The following SCARA5 variants were observed in gnomAD, a reference collection of about 807,000 sequenced individuals.
The protein encoded by SCARA5 is scavenger receptor class A, member 5 (putative).
Under a neutral mutation model 46.3 loss-of-function variants are expected in SCARA5, and 45 were observed. The ratio of observed to expected loss-of-function variants is 0.97; its 90% CI spans 0.76 to 1.24. The LOEUF (loss-of-function observed/expected upper bound fraction) is 1.24. Among genes scored for constraint, SCARA5 ranks in the 50% most tolerant of loss-of-function variants. The probability of loss-of-function intolerance (pLI) is 0.00; values close to 1 mark genes in which losing one functional copy is unlikely to be tolerated. For synonymous variants in SCARA5, 333 were observed against 306.5 expected (o/e 1.09, Z -0.90); for missense variants, 680 against 689.0 (o/e 0.99, Z 0.15).
chr8:27,957,123 A>G (rs1055334165), intron 3 of SCARA5, among the ~76,000 whole-genome samples: 1 of 152,154 alleles, frequency 6.6e-6, no homozygotes, highest in Non-Finnish European at 1.5e-5. Flanking sequence ...TGCAGAAGGA[A>G]GGGAGGGGTG....
At chr8:27,975,157 AT>A (rs1428071195) in intron 2 of SCARA5, among the ~76,000 whole-genome samples, 1 of 152,154 alleles carries the variant, frequency 6.6e-6, no homozygotes, top group African/African-American at 2.4e-5. Flanking sequence ...TTAATCAATC[AT>A]GCCTACATAA....
intron 3 of SCARA5, among the ~76,000 whole-genome samples, chr8:27,951,605 T>C (rs979176738): frequency 2.0e-5 from 3 of 152,134 alleles, no homozygotes; most frequent in African/African-American, 7.2e-5. Context: ...GCCCGTCCCG[T>C]CCTGCACGGT....
At chr8:27,905,705 C>CTTTTT (rs869032548) in intron 6 of SCARA5, among the ~76,000 whole-genome samples, 1 of 8,064 alleles carries the variant, frequency 1.2e-4, no homozygotes, top group African/African-American at 2.2e-4. Context: ...CTTTTCTTTT[C>CTTTTT]TTTTTTTTTT....
chr8:27,953,061 C>T (rs1440524001), intron 3 of SCARA5, among the ~76,000 whole-genome samples: 1 of 152,222 alleles, frequency 6.6e-6, no homozygotes, highest in East Asian at 1.9e-4. Context: ...TGCATCCTTT[C>T]TCTCTTCCTA....
chr8:27,924,126 T>C (rs549458047), intron 3 of SCARA5, among the ~76,000 whole-genome samples: 2 of 152,292 alleles, frequency 1.3e-5, no homozygotes, highest in East Asian at 3.9e-4. Context: ...GTCTGTTAGT[T>C]GTGTCCTGTC....
chr8:27,922,742 G>GT (rs1410043666), intron 3 of SCARA5, among the ~76,000 whole-genome samples: 5 of 152,236 alleles, frequency 3.3e-5, no homozygotes, highest in Admixed American at 3.3e-4. Flanking sequence ...ATCTGAATAA[G>GT]CCCCCCAAAA....
At chr8:27,916,853 G>A (rs538591599) in intron 4 of SCARA5, among the ~76,000 whole-genome samples, 165 of 152,238 alleles carry the variant, frequency 1.1e-3, no homozygotes, top group Middle Eastern at 3.4e-3. Context: ...CATCCCCCCC[G>A]ATTTCATATG....
chr8:27,921,878 C>A lies in SCARA5; in HGVS notation c.609G>T (p.Ala203=), dbSNP rs747177853. 18 of 1,496,358 alleles carry A rather than the reference C, an allele frequency of 1.2e-5. No individual in the cohort carries two copies. The allele number at this position is 1,496,358 out of a possible 1,614,324, so 92.7% of individuals were successfully genotyped here. A position where few individuals can be genotyped will look rare whatever the true frequency, so the allele number is the denominator to read the frequency against. The change falls in exon 4 of 9, where the codon GCG becomes GCT. Residue 203 remains alanine, a synonymous_variant. Coordinates refer to ENST00000354914, the MANE Select transcript of SCARA5 (RefSeq NM_173833.6). ...NSSQLLLRRH[A]GLLDGLARRV... ...TGCGCGCCAGCCCGTCCAGCAGGCC[C>A]GCGTGGCGCCTCAGCAGCAGCTGGC...
chr8:27,931,811 C>T (rs1025018011), intron 3 of SCARA5, among the ~76,000 whole-genome samples: 2 of 152,062 alleles, frequency 1.3e-5, no homozygotes, highest in Middle Eastern at 3.4e-3. Context: ...CACGCCACCA[C>T]GCCTGGCTAA....
chr8:27,881,003 T>C (rs930841951), intron 7 of SCARA5, among the ~76,000 whole-genome samples: 12 of 152,106 alleles, frequency 7.9e-5, no homozygotes, highest in South Asian at 4.2e-4. Flanking sequence ...AGATACTATC[T>C]CACGCCAGTC....
At chr8:27,878,153 T>A in intron 8 of SCARA5, among the ~76,000 whole-genome samples, 1 of 152,158 alleles carries the variant, frequency 6.6e-6, no homozygotes, top group East Asian at 1.9e-4. Context: ...GGGGGCCTGG[T>A]AACTGGGTGT....
chr8:27,949,128 A>C (rs889878675), intron 3 of SCARA5, among the ~76,000 whole-genome samples: 3 of 152,216 alleles, frequency 2.0e-5, no homozygotes, highest in Non-Finnish European at 2.9e-5. Flanking sequence ...AGTGAGCTTC[A>C]GGGGACCTGA....
rs146767285 is a variant in SCARA5, at chr8:27,965,251, C to T, written c.241+1163G>A. Among the ~76,000 whole-genome samples, 425 of 152,294 alleles carry T rather than the reference C, an allele frequency of 2.8e-3. 2 individuals are homozygous for T. Among genetic ancestry groups the T allele is most frequent in the African/African-American group, 9.6e-3 (398 of 41,552 alleles). On this transcript the variant is annotated intron_variant, in intron 3 of 8. Coordinates refer to ENST00000354914, the MANE Select transcript of SCARA5 (RefSeq NM_173833.6). ...CGCTTGACGGAAAGTGAATCAAGAC[C>T]GGGGAGGTCCTGGCCATTTGCCTCA...
At chr8:27,932,338 T>TA (rs1807788087) in intron 3 of SCARA5, among the ~76,000 whole-genome samples, 1 of 152,184 alleles carries the variant, frequency 6.6e-6, no homozygotes, top group Admixed American at 6.5e-5. Context: ...CTGGTCCTGA[T>TA]AAAAAACTAA....
intron 8 of SCARA5, among the ~76,000 whole-genome samples, chr8:27,873,506 C>T (rs1441010144): frequency 1.3e-5 from 2 of 152,082 alleles, no homozygotes; most frequent in African/African-American, 2.4e-5. Flanking sequence ...GAAATTCCTT[C>T]TCCTGGCTCA....
intron 7 of SCARA5, among the ~76,000 whole-genome samples, chr8:27,893,217 C>T (rs565438216): frequency 2.5e-4 from 38 of 152,310 alleles, no homozygotes; most frequent in African/African-American, 9.1e-4. Context: ...GTTCCTGGCT[C>T]CTTAGCATAT....
intron 8 of SCARA5, among the ~76,000 whole-genome samples, chr8:27,878,969 A>G (rs1205092175): frequency 6.6e-6 from 1 of 152,180 alleles, no homozygotes; most frequent in African/African-American, 2.4e-5. Flanking sequence ...TAGTAGGCCC[A>G]GCTAGTCAGG....
chr8:27,891,921 TTGTC>T (rs1360375003), intron 7 of SCARA5, among the ~76,000 whole-genome samples: 1 of 152,250 alleles, frequency 6.6e-6, no homozygotes, highest in Non-Finnish European at 1.5e-5. Context: ...GGGTCCAGCT[TTGTC>T]TGTCTTAGAC....
intron 3 of SCARA5, among the ~76,000 whole-genome samples, chr8:27,939,814 A>C (rs919144112): frequency 3.9e-5 from 6 of 152,186 alleles, no homozygotes; most frequent in Non-Finnish European, 8.8e-5. Flanking sequence ...TGAAGCTTAG[A>C]GAGATCAGGT....
Sources: allele counts gnomAD v4.1 joint callset (sites outside exome capture counted in the v4.1 genomes callset), GRCh38; gene constraint gnomAD v4.1.1; transcripts MANE v1.5; gene names NCBI Gene and HGNC (gene_info 2026-07-23, HGNC 2026-07-21).